The following PCDHGB6 variants were observed in gnomAD, a reference collection of about 807,000 sequenced individuals.
PCDHGB6 encodes protocadherin gamma-B6.
PCDHGB6 carries 51 observed loss-of-function variants against 59.1 expected under a neutral mutation model. That is an observed-to-expected ratio of 0.86 (90% CI 0.69 to 1.09). The LOEUF (loss-of-function observed/expected upper bound fraction) is 1.09. PCDHGB6 is among the 50% of genes least tolerant of loss of function. PCDHGB6 has a pLI of 0.00. For synonymous variants in PCDHGB6, 466 were observed against 495.1 expected, an observed-to-expected ratio of 0.94 and a Z score of 0.78; for missense variants, 1,148 against 1,205.1, an observed-to-expected ratio of 0.95 and a Z score of 0.70.
chr5:141,415,740 GTTTTTTTTTTTTTT>G (rs57426385), intron 1 of PCDHGB6: 52 of 625,016 alleles, frequency 8.3e-5, no homozygotes, highest in East Asian at 4.1e-4. Context: ...GTTTATTAAG[GTTTTTTTTTTTTTT>G]TTTTTTTTTT....
chr5:141,430,915 G>T, intron 1 of PCDHGB6: 1 of 1,607,738 alleles, frequency 6.2e-7, no homozygotes, highest in East Asian at 2.2e-5. Flanking sequence ...CCAGGGACCT[G>T]GGGCTGGAGC....
In PCDHGB6 at chr5:141,450,032, G is replaced by A. The variant is rs146567243; in HGVS notation, c.2418+39412G>A. Among the ~76,000 whole-genome samples the A allele has an allele frequency of 4.6e-3, 607 of 131,666 alleles. 4 individuals are homozygous for A. The highest frequency in any genetic ancestry group is 0.017 in the African/African-American group (550 of 33,158). The allele number at this position is 131,666 out of a possible 152,430, so 86.4% of individuals were successfully genotyped here. A position where few individuals can be genotyped will look rare whatever the true frequency, so the allele number is the denominator to read the frequency against. On this transcript the variant is annotated intron_variant, in intron 1 of 3. Transcript: ENST00000520790. ...TTTTTTTTTTTTTTTTTTGAGACAG[G>A]GTCTCACTCTTTCGCCCAGGCTGGA... is the stretch of plus-strand genomic sequence containing the variant.
chr5:141,455,401 A>G (rs1252870027), intron 1 of PCDHGB6, among the ~76,000 whole-genome samples: 1 of 152,158 alleles, frequency 6.6e-6, no homozygotes, highest in Non-Finnish European at 1.5e-5. Context: ...TCCCCCTTAC[A>G]GAGACAGAGG....
Position 141,511,309 on chromosome 5 carries a change from G to C in PCDHGB6, c.*136G>C. The stretch of plus-strand genomic sequence containing the variant: ...GGGGCCAAGGCCATGCTCCCCTTGG[G>C]AAACAGAAACAAGTGCCCAGTCAGC... On this transcript the variant is annotated 3_prime_UTR_variant, in exon 4 of 4. Coordinates refer to ENST00000520790, the MANE Select transcript of PCDHGB6 (RefSeq NM_018926.3). 4.0e-6 allele frequency: 6 copies of C among 1,485,470 alleles called. No homozygotes were observed. Among genetic ancestry groups the C allele is most frequent in the Non-Finnish European group, 4.5e-6 (5 of 1,113,432 alleles). 92.0% of individuals were successfully genotyped at this position (1,485,470 alleles called of 1,614,324 possible).
chr5:141,413,809 C>G, intron 1 of PCDHGB6: 1 of 1,613,188 alleles, frequency 6.2e-7, no homozygotes. Flanking sequence ...AGAGGCCATT[C>G]ACCACCTGGT....
At chr5:141,440,428 C>A (rs1001845529) in intron 1 of PCDHGB6, 1 of 152,132 alleles carries the variant, frequency 6.6e-6, no homozygotes, top group Non-Finnish European at 1.5e-5. Context: ...GCCTGGGTGA[C>A]AGAGCAAGGC....
chr5:141,414,000 A>T (rs759228883), intron 1 of PCDHGB6: 2 of 1,613,282 alleles, frequency 1.2e-6, no homozygotes, highest in African/African-American at 2.7e-5. Flanking sequence ...ACAGGGACGA[A>T]GGTGCCAATG....
intron 1 of PCDHGB6, chr5:141,423,620 C>G: frequency 6.2e-7 from 1 of 1,608,268 alleles, no homozygotes; most frequent in Non-Finnish European, 8.5e-7. Flanking sequence ...GCTGAAGACT[C>G]AGCTATCATT....
Position 141,450,950 on chromosome 5 carries a change from A to G in PCDHGB6, c.2418+40330A>G, listed in dbSNP as rs1176916120. ...AGCAATTCTCCTACCTCAGCCTCCCAAGTAGCTGGGATTACAGGCATGTGC... is the reference window on the plus strand; with the variant it reads ...AGCAATTCTCCTACCTCAGCCTCCCGAGTAGCTGGGATTACAGGCATGTGC... On this transcript the variant is annotated intron_variant, in intron 1 of 3. Coordinates refer to ENST00000520790, the MANE Select transcript of PCDHGB6 (RefSeq NM_018926.3). Among the ~76,000 whole-genome samples, 9 of 150,714 alleles carry G rather than the reference A, an allele frequency of 6.0e-5. No individual in the cohort carries two copies. In the East Asian group the frequency reaches 1.6e-3, roughly 26 times the overall value.
chr5:141,436,393 A>G (rs560164691), intron 1 of PCDHGB6, among the ~76,000 whole-genome samples: 2 of 152,342 alleles, frequency 1.3e-5, no homozygotes, highest in South Asian at 4.1e-4. Context: ...GCTTTATTAA[A>G]TAGTTGTTGA....
intron 3 of PCDHGB6, among the ~76,000 whole-genome samples, chr5:141,509,336 GC>G (rs2099876304): frequency 6.6e-6 from 1 of 152,178 alleles, no homozygotes; most frequent in Non-Finnish European, 1.5e-5. Context: ...TGCCAGCTGG[GC>G]CTGGGCTGGC....
chr5:141,432,632 G>A lies in PCDHGB6; in HGVS notation c.2418+22012G>A. 3.7e-6 allele frequency: 6 copies of A among 1,612,834 alleles called. No individual in the cohort carries two copies. The highest frequency in any genetic ancestry group is 5.1e-6 in the Non-Finnish European group (6 of 1,179,706). On this transcript the variant is annotated intron_variant, in intron 1 of 3. Coordinates refer to ENST00000520790, the MANE Select transcript of PCDHGB6 (RefSeq NM_018926.3). The surrounding 1 kb of genome is among the most constrained non-coding windows in gnomAD (Gnocchi z 6.0). ...CTTCTCGGTGGGTCTGCACACGGGC[G>A]AGGTGCGCACGGCGCGAGCCCTGCT...
At chr5:141,501,298 C>T (rs998006748) in intron 2 of PCDHGB6, among the ~76,000 whole-genome samples, 216 of 148,422 alleles carry the variant, frequency 1.5e-3, no homozygotes, top group Admixed American at 2.4e-3. Context: ...TATACACACA[C>T]ACACACACAC....
At chr5:141,414,338 G>C in intron 1 of PCDHGB6, 1 of 1,613,832 alleles carries the variant, frequency 6.2e-7, no homozygotes, top group Non-Finnish European at 8.5e-7. Context: ...CAGGTAACCT[G>C]TTCCATTTTG....
At chr5:141,417,859 G>T (rs925593025) in intron 1 of PCDHGB6, 10 of 1,548,090 alleles carry the variant, frequency 6.5e-6, no homozygotes, top group African/African-American at 2.7e-5. Context: ...CCGAGCGAAC[G>T]ATGGGAGGGA....
chr5:141,448,426 T>C (rs892222815), intron 1 of PCDHGB6, among the ~76,000 whole-genome samples: 1 of 152,164 alleles, frequency 6.6e-6, no homozygotes, highest in Non-Finnish European at 1.5e-5. Context: ...ATACTATGTA[T>C]ATATTGAGAA....
Position 141,501,290 on chromosome 5 carries a change from TACACACAC to T in PCDHGB6, c.2478-4066_2478-4059del, listed in dbSNP as rs55762287. 3.7e-3 allele frequency among the ~76,000 whole-genome samples: 499 copies of T among 136,222 alleles called. 2 individuals carry two copies. Among genetic ancestry groups the T allele is most frequent in the Middle Eastern group, 0.033 (9 of 270 alleles). 89.4% of individuals were successfully genotyped at this position (136,222 alleles called of 152,430 possible). On this transcript the variant is annotated intron_variant, in intron 2 of 3. Transcript: ENST00000520790. ...GTCCAGTCTATGGGATATTCCCTTA[TACACACAC>T]ACACACACACACACACACACACACA... is the stretch of plus-strand genomic sequence containing the variant.
rs775380177 is a variant in PCDHGB6, at chr5:141,422,666, C to T, written c.2418+12046C>T. The T allele has an allele frequency of 3.1e-6, 5 of 1,608,026 alleles. No individual in the cohort carries two copies. In the South Asian group the frequency reaches 3.3e-5, roughly 11 times the overall value. ...ATCTTCTCAGTGACCGCCCTCGACC[C>T]GGACAGCAAACAGAATGCCCTGGTC... On this transcript the variant is annotated intron_variant, in intron 1 of 3. Transcript: ENST00000520790.
Position 141,408,349 on chromosome 5 carries a change from C to T in PCDHGB6, c.147C>T (p.Asn49=). 1 of 1,613,924 alleles carries T rather than the reference C, an allele frequency of 6.2e-7. No individual in the cohort carries two copies. The highest frequency in any genetic ancestry group is 8.5e-7 in the Non-Finnish European group (1 of 1,179,794). The change falls in exon 1 of 4, where the codon AAC becomes AAT. Residue 49 remains asparagine (N), a synonymous_variant. Coordinates refer to ENST00000520790, the MANE Select transcript of PCDHGB6 (RefSeq NM_018926.3). ...TGGCCAAGGGCTCGGTGGTGGGGAA[C>T]CTCGCTAAGGATCTAGGGCTCAGTG... ...EELAKGSVVG[N]LAKDLGLSVL...
Sources: allele counts gnomAD v4.1 joint callset (sites outside exome capture counted in the v4.1 genomes callset), GRCh38; gene constraint gnomAD v4.1.1; non-coding constraint Gnocchi (gnomAD v3.1); transcripts MANE v1.5; gene names NCBI Gene and HGNC (gene_info 2026-07-23, HGNC 2026-07-21).